TUBD1: variants seen among roughly 807,000 people sequenced by gnomAD.
TUBD1 encodes tubulin delta chain.
TUBD1 carries 38 observed loss-of-function variants against 51.2 expected under a neutral mutation model. The observed-to-expected ratio is 0.74, with a 90% CI of 0.57 to 0.97. TUBD1 has a LOEUF of 0.97. TUBD1 is among the 50% of genes least tolerant of loss of function. The pLI, the probability that TUBD1 is intolerant of heterozygous loss-of-function variation, is 0.00. For synonymous variants in TUBD1, 169 were observed against 178.2 expected (o/e 0.95, Z 0.41); for missense variants, 489 against 538.4 (o/e 0.91, Z 0.91).
chr17:59,871,803 T>A (rs935383353), intron 6 of TUBD1, among the ~76,000 whole-genome samples: 28 of 152,044 alleles, frequency 1.8e-4, no homozygotes, highest in Admixed American at 1.3e-4. Flanking sequence ...GAATTCTTTT[T>A]TTTTATTTTT....
At chr17:59,863,995 A>C in intron 7 of TUBD1, 148 bp from the exon 8 acceptor site, 2 of 660,704 alleles carry the variant, frequency 3.0e-6, no homozygotes, top group Non-Finnish European at 4.5e-6. Flanking sequence ...GACTTCCAGA[A>C]ATTTAGGAGG....
At chr17:59,882,936 C>A (rs183654995) in intron 3 of TUBD1, among the ~76,000 whole-genome samples, 2 of 151,224 alleles carry the variant, frequency 1.3e-5, no homozygotes, top group Non-Finnish European at 2.9e-5. Context: ...AGGCACAGGC[C>A]GCCACGCCCA....
chr17:59,864,197 G>C (rs1008864519), intron 7 of TUBD1, among the ~76,000 whole-genome samples: 1 of 151,840 alleles, frequency 6.6e-6, no homozygotes, highest in Non-Finnish European at 1.5e-5. Context: ...CCAGGCTGGG[G>C]TGCAGTGGCA....
chr17:59,881,073 TTA>T lies in TUBD1; in HGVS notation c.356_357del (p.Ile119AsnfsTer12), dbSNP rs1375011757. 6.2e-7 allele frequency: 1 copy of T among 1,614,158 alleles called. No homozygotes were observed. Among genetic ancestry groups the T allele is most frequent in the East Asian group, 2.2e-5 (1 of 44,876 alleles). ...TCCACTTCCTTCCGGATTATGTTCA[TTA>T]TAGATTCTTCATGCCTGGGTCCATG... ...SVHGPRHEESIMNIIRKEVEK... is the reference protein window; with the variant it reads ...SVHGPRHEESXMNIIRKEVEK... On this transcript the variant is annotated frameshift_variant, in exon 4 of 9. Transcript: ENST00000325752. LOFTEE classifies it high-confidence loss of function.
Position 59,881,114 on chromosome 17 carries a change from T to A in TUBD1, c.321-4A>T, listed in dbSNP as rs541357874. On this transcript the variant is annotated splice_polypyrimidine_tract_variant and splice_region_variant and intron_variant, in intron 3 of 8. Transcript: ENST00000325752. ...CCTGGGTCCATGAACAGAGTAACTA[T>A]GCAATGGCAAAAGAAACAAACACAA... The A allele has an allele frequency of 6.2e-7, 1 of 1,605,328 alleles. No homozygotes were observed. Among genetic ancestry groups the A allele is most frequent in the Admixed American group, 1.7e-5 (1 of 59,744 alleles).
chr17:59,881,498 A>G (rs1301841850), intron 3 of TUBD1, among the ~76,000 whole-genome samples: 2 of 152,156 alleles, frequency 1.3e-5, no homozygotes, highest in Admixed American at 1.3e-4. Flanking sequence ...TTTATTTTTG[A>G]GGTTTTAATC....
intron 5 of TUBD1, among the ~76,000 whole-genome samples, chr17:59,876,742 C>T (rs1310419500): frequency 6.6e-6 from 1 of 152,110 alleles, no homozygotes; most frequent in Admixed American, 6.6e-5. Context: ...TCTTCCCACC[C>T]TGGCCTCCTA....
intron 5 of TUBD1, 65 bp downstream of exon 5, chr17:59,878,038 G>A: frequency 7.6e-7 from 1 of 1,319,706 alleles, no homozygotes; most frequent in African/African-American, 1.5e-5. Context: ...GAGACAGAAA[G>A]AATAAACTTT....
intron 3 of TUBD1, among the ~76,000 whole-genome samples, chr17:59,884,154 G>T (rs1025822540): frequency 7.9e-5 from 12 of 151,808 alleles, no homozygotes; most frequent in African/African-American, 1.2e-4. Context: ...CTACCTACTC[G>T]GGAGACTGAG....
intron 6 of TUBD1, among the ~76,000 whole-genome samples, chr17:59,873,573 C>T (rs1189718752): frequency 6.6e-6 from 1 of 151,282 alleles, no homozygotes; most frequent in Non-Finnish European, 1.5e-5. Flanking sequence ...TTTTAAAAAA[C>T]TGAGATATAG....
Position 59,866,616 on chromosome 17 carries a change from T to A in TUBD1, c.1068A>T (p.Ala356=), listed in dbSNP as rs367745408. Residue 356 remains alanine, a synonymous_variant, in exon 7 of 9, where the codon GCA becomes GCT. Coordinates refer to ENST00000325752, the MANE Select transcript of TUBD1 (RefSeq NM_016261.4). ...VILRGKDVQS[A]DVEGFKDPAL... Reference sequence around the variant, plus strand: ...TTCACCTGAATTTCTTACCCACATCTGCACTTTGCACATCTTTCCCACGAA... The same window carrying A: ...TTCACCTGAATTTCTTACCCACATCAGCACTTTGCACATCTTTCCCACGAA... 1.2e-6 allele frequency: 2 copies of A among 1,613,978 alleles called. No individual in the cohort carries two copies. Among genetic ancestry groups the A allele is most frequent in the East Asian group, 2.2e-5 (1 of 44,874 alleles).
At chr17:59,884,975 T>A in intron 3 of TUBD1, 1 of 238,530 alleles carries the variant, frequency 4.2e-6, no homozygotes, top group Non-Finnish European at 8.4e-6. Flanking sequence ...CCAAACCACT[T>A]AAATCAGAAT....
intron 3 of TUBD1, among the ~76,000 whole-genome samples, chr17:59,883,395 G>A (rs777310644): frequency 1.5e-4 from 22 of 151,416 alleles, no homozygotes; most frequent in Non-Finnish European, 3.1e-4. Context: ...TCAGCCTCCC[G>A]AGTAGCTGGG....
At position 59,878,214 on chromosome 17, in the gene TUBD1, T is replaced by C; in HGVS notation, c.658A>G (p.Lys220Glu). The part of the protein sequence containing the change: ...HKICAKLMNI[K>E]QISFSDINQV... ...TTGATATCACTAAAGGAGATCTGCT[T>C]GATATTCATCAGTTTTGCACAGATC... is the stretch of plus-strand genomic sequence containing the variant. The change falls in exon 5 of 9, where the codon AAG becomes GAG. Residue 220 changes from lysine (K) to glutamate (E), a missense_variant. Physicochemically the swap from Lys to Glu is moderately conservative, Grantham distance 56. Transcript: ENST00000325752. The C allele has an allele frequency of 6.2e-7, 1 of 1,614,148 alleles. No homozygotes were observed.
chr17:59,878,553 C>T (rs2040334057), intron 4 of TUBD1: 1 of 452,500 alleles, frequency 2.2e-6, no homozygotes, highest in Non-Finnish European at 4.0e-6. Flanking sequence ...GGCACCATCT[C>T]TGCTCACTGC....
rs1160584672 is a variant in TUBD1, at chr17:59,878,261, T to C, written c.611A>G (p.His204Arg). 6.2e-7 allele frequency: 1 copy of C among 1,613,936 alleles called. No homozygotes were observed. The highest frequency in any genetic ancestry group is 8.5e-7 in the Non-Finnish European group (1 of 1,180,042). ...LYRSSDALLL[H>R]ENDAIHKICA... ...GATCTTATGGATGGCATCATTCTCA[T>C]GAAGAAGGAGGGCGTCTGAAGATCG... The change falls in exon 5 of 9, where the codon CAT becomes CGT. Residue 204 changes from histidine to arginine, a missense_variant. Transcript: ENST00000325752.
At chr17:59,866,544 CATT>C (rs772413896) in intron 7 of TUBD1, 62 bp downstream of exon 7, 3 of 1,571,718 alleles carry the variant, frequency 1.9e-6, no homozygotes, top group Non-Finnish European at 2.6e-6. Context: ...TTTTAAAAAC[CATT>C]TGTACCATAT....
chr17:59,867,388 A>G lies in TUBD1; in HGVS notation c.935-639T>C, dbSNP rs369242322. On this transcript the variant is annotated intron_variant, in intron 6 of 8. Transcript: ENST00000325752. ...TACTCCACTAGACTTTGTTGGGGCA[A>G]AAAATTGTACTCAAAGGGCTATACT... Among the ~76,000 whole-genome samples the G allele has an allele frequency of 4.2e-4, 64 of 152,200 alleles. 1 individual carries two copies. The highest frequency in any genetic ancestry group is 1.5e-3 in the African/African-American group (64 of 41,550).
At chr17:59,861,294 G>A (rs980436027) in intron 8 of TUBD1, among the ~76,000 whole-genome samples, 1 of 151,540 alleles carries the variant, frequency 6.6e-6, no homozygotes, top group Non-Finnish European at 1.5e-5. Context: ...TGCCTCCTGG[G>A]GTGAAGCAAT....
Sources: gnomAD v4.1 joint callset for allele counts (sites outside exome capture counted in the v4.1 genomes callset) on GRCh38, gnomAD v4.1.1 for gene constraint, MANE v1.5 for transcripts, NCBI Gene and HGNC (gene_info 2026-07-23, HGNC 2026-07-21) for gene names.